DENND1A: variants seen among roughly 807,000 people sequenced by gnomAD.
DENND1A encodes DENN domain containing 1A, also known as DENN domain-containing protein 1A.
DENND1A carries 51 observed loss-of-function variants against 113.7 expected under a neutral mutation model. The ratio of observed to expected loss-of-function variants is 0.45; its 90% confidence interval spans 0.36 to 0.57. DENND1A has a LOEUF of 0.57. Among genes scored for constraint, DENND1A ranks in the 20% least tolerant of loss-of-function variants. DENND1A has a pLI of 0.00. For synonymous variants in DENND1A, 565 were observed against 570.8 expected, an observed-to-expected ratio of 0.99 and a Z score of 0.14; for missense variants, 1,258 against 1,395.9, an observed-to-expected ratio of 0.90 and a Z score of 1.57.
rs1855959565 is a variant in DENND1A, at chr9:123,920,184, A to C, written c.17+9705T>G. On this transcript the variant is annotated intron_variant, in intron 1 of 23. Coordinates refer to ENST00000394215, the MANE Select transcript of DENND1A (RefSeq NM_001352964.2). ...GGTGGCTCAAGCCTGTAATCCCAGCACTTCGGGAGGCCGAGGCGGGCGGAT... is the reference window on the plus strand; with the variant it reads ...GGTGGCTCAAGCCTGTAATCCCAGCCCTTCGGGAGGCCGAGGCGGGCGGAT... 4.6e-5 allele frequency among the ~76,000 whole-genome samples: 7 copies of C among 152,296 alleles called. No individual in the cohort carries two copies. The South Asian group carries it at 1.4e-3, about 32-fold the overall frequency.
intron 2 of DENND1A, among the ~76,000 whole-genome samples, chr9:123,853,291 A>G (rs1179391732): frequency 2.0e-5 from 3 of 152,158 alleles, no homozygotes; most frequent in African/African-American, 7.2e-5. Context: ...CAACTGTTGT[A>G]CAAAAGAATA....
At chr9:123,545,939 A>G (rs1000094985) in intron 13 of DENND1A, among the ~76,000 whole-genome samples, 2 of 152,164 alleles carry the variant, frequency 1.3e-5, no homozygotes, top group African/African-American at 4.8e-5. Flanking sequence ...AGAACATCTG[A>G]TTTTAAAACA....
chr9:123,732,385 C>T (rs189172093), intron 5 of DENND1A, among the ~76,000 whole-genome samples: 1 of 152,292 alleles, frequency 6.6e-6, no homozygotes, highest in Non-Finnish European at 1.5e-5. Context: ...GATACACACA[C>T]CAACATGGAT....
intron 2 of DENND1A, chr9:123,843,129 G>A (rs929546825): frequency 1.1e-5 from 6 of 548,138 alleles, no homozygotes; most frequent in Non-Finnish European, 2.2e-5. Flanking sequence ...ATTCTTCTTG[G>A]AGAACTTCTC....
chr9:123,560,143 C>T (rs771016948), intron 12 of DENND1A, among the ~76,000 whole-genome samples: 11 of 152,142 alleles, frequency 7.2e-5, no homozygotes, highest in Non-Finnish European at 1.3e-4. Flanking sequence ...AATAATGCTG[C>T]TACGAAGATT....
intron 2 of DENND1A, among the ~76,000 whole-genome samples, chr9:123,857,315 T>C (rs1377141133): frequency 6.6e-6 from 1 of 152,220 alleles, no homozygotes; most frequent in Non-Finnish European, 1.5e-5. Flanking sequence ...TGGAACAAAT[T>C]GAATAATTCA....
intron 5 of DENND1A, among the ~76,000 whole-genome samples, chr9:123,678,957 C>A (rs548432060): frequency 6.6e-6 from 1 of 152,056 alleles, no homozygotes. Context: ...ATAGTATGAA[C>A]GAGAAATCCC....
At chr9:123,555,376 C>T (rs1000769189) in intron 13 of DENND1A, among the ~76,000 whole-genome samples, 7 of 152,228 alleles carry the variant, frequency 4.6e-5, no homozygotes, top group Admixed American at 3.9e-4. Flanking sequence ...TCCAAGGCTC[C>T]GCCAAATTTG....
At chr9:123,660,422 G>C (rs1045486693) in intron 8 of DENND1A, among the ~76,000 whole-genome samples, 1 of 151,800 alleles carries the variant, frequency 6.6e-6, no homozygotes, top group Non-Finnish European at 1.5e-5. Flanking sequence ...ATACAGTGCA[G>C]ACAGGCTTTG....
At chr9:123,660,575 T>A (rs2063183646) in intron 8 of DENND1A, among the ~76,000 whole-genome samples, 1 of 152,028 alleles carries the variant, frequency 6.6e-6, no homozygotes, top group African/African-American at 2.4e-5. Context: ...AAAAAAAAAT[T>A]TTTTAATGAA....
At chr9:123,438,061 T>C (rs2046653517) in intron 19 of DENND1A, among the ~76,000 whole-genome samples, 1 of 152,174 alleles carries the variant, frequency 6.6e-6, no homozygotes, top group Non-Finnish European at 1.5e-5. Flanking sequence ...ATAGTATAGA[T>C]GGTAAGAGAG....
chr9:123,901,610 G>A (rs1485377489), intron 1 of DENND1A, among the ~76,000 whole-genome samples: 1 of 152,088 alleles, frequency 6.6e-6, no homozygotes, highest in Non-Finnish European at 1.5e-5. Context: ...GTTCTGCCAC[G>A]TCTTTCTCTC....
At chr9:123,527,952 C>A (rs1260091339) in intron 13 of DENND1A, among the ~76,000 whole-genome samples, 1 of 152,222 alleles carries the variant, frequency 6.6e-6, no homozygotes, top group African/African-American at 2.4e-5. Context: ...TGCTATCTAT[C>A]TCTCAGGTTG....
chr9:123,527,105 T>C (rs1333771880), intron 13 of DENND1A, among the ~76,000 whole-genome samples: 1 of 152,176 alleles, frequency 6.6e-6, no homozygotes, highest in Non-Finnish European at 1.5e-5. Context: ...CTCTCTCTTT[T>C]CTATTCACTC....
chr9:123,424,133 T>C (rs1240563035), intron 19 of DENND1A, among the ~76,000 whole-genome samples: 1 of 152,030 alleles, frequency 6.6e-6, no homozygotes, highest in Non-Finnish European at 1.5e-5. Context: ...GCAGGGACAG[T>C]GAGGGTTGGG....
chr9:123,607,518 CACAGAGAG>C (rs1205505652), intron 11 of DENND1A, among the ~76,000 whole-genome samples: 8 of 77,740 alleles, frequency 1.0e-4, no homozygotes, highest in East Asian at 4.0e-4. Flanking sequence ...CACACACACA[CACAGAGAG>C]AGAGAGAGAG....
rs115364353 is a variant in DENND1A, at chr9:123,619,527, C to G, written c.720-10046G>C. ...CTCAACTCTCCACGTTCAGGTGATT[C>G]TTCTACTTCAGCCTCACAGAGAGCT... is the stretch of plus-strand genomic sequence containing the variant. On this transcript the variant is annotated intron_variant, in intron 10 of 23. Transcript: ENST00000394215. Among the ~76,000 whole-genome samples the G allele has an allele frequency of 2.4e-3, 362 of 152,296 alleles. 3 individuals carry two copies. Among genetic ancestry groups the G allele is most frequent in the African/African-American group, 8.4e-3 (349 of 41,562 alleles).
Position 123,393,897 on chromosome 9 carries a change from C to G in DENND1A, c.1632-6039G>C, listed in dbSNP as rs72755164. Among the ~76,000 whole-genome samples the G allele has an allele frequency of 4.2e-3, 647 of 152,282 alleles. 2 individuals are homozygous for G. The highest frequency in any genetic ancestry group is 7.0e-3 in the Non-Finnish European group (475 of 68,032). ...TGTGAGATACCAGGTCCTTCCCGCC[C>G]CACTGGGGACTTGCTTTGCCGGAGG... On this transcript the variant is annotated intron_variant, in intron 21 of 23. Transcript: ENST00000394215.
intron 19 of DENND1A, among the ~76,000 whole-genome samples, chr9:123,421,273 T>C (rs1268433200): frequency 1.3e-5 from 2 of 151,204 alleles, no homozygotes; most frequent in Non-Finnish European, 2.9e-5. Context: ...CCTCCAAGAA[T>C]GTGAAAGATG....
Sources: gnomAD v4.1 joint callset for allele counts (sites outside exome capture counted in the v4.1 genomes callset) on GRCh38, gnomAD v4.1.1 for gene constraint, MANE v1.5 for transcripts, NCBI Gene and HGNC (gene_info 2026-07-23, HGNC 2026-07-21) for gene names.